The following NOMO1 variants were observed in gnomAD, a reference collection of about 807,000 sequenced individuals.
The protein encoded by NOMO1 is nodal modulator 3.
In NOMO1, 40 loss-of-function variants were observed where a neutral mutation model predicts 133.8. The observed-to-expected ratio is 0.30, with a 90% CI of 0.23 to 0.39. The LOEUF is 0.39. Ranked by LOEUF, NOMO1 falls within the 10% of genes least tolerant of loss-of-function variation. The probability of loss-of-function intolerance (pLI) is 1.00; values close to 1 mark genes in which losing one functional copy is unlikely to be tolerated. For synonymous variants in NOMO1, 236 were observed against 570.5 expected (o/e 0.41, Z 8.36); for missense variants, 462 against 1,419.9 (o/e 0.33, Z 10.84).
At chr16:14,851,250 A>G (rs1486647354) in intron 6 of NOMO1, among the ~76,000 whole-genome samples, 1 of 151,882 alleles carries the variant, frequency 6.6e-6, no homozygotes, top group Non-Finnish European at 1.5e-5. Flanking sequence ...AGTCAGGATA[A>G]TGTTTATCCT....
chr16:14,885,157 G>A (rs1161834418), intron 27 of NOMO1, among the ~76,000 whole-genome samples: 4 of 152,186 alleles, frequency 2.6e-5, no homozygotes, highest in South Asian at 2.1e-4. Context: ...CCAAAGATCC[G>A]ATCATCTCCC....
chr16:14,887,515 T>C (rs1033735907), intron 28 of NOMO1, among the ~76,000 whole-genome samples: 1 of 151,656 alleles, frequency 6.6e-6, no homozygotes, highest in Non-Finnish European at 1.5e-5. Flanking sequence ...TTAGCCAGGA[T>C]GGTCTTGATC....
intron 1 of NOMO1, among the ~76,000 whole-genome samples, chr16:14,835,902 C>A (rs941543426): frequency 1.3e-5 from 2 of 151,904 alleles, no homozygotes; most frequent in African/African-American, 4.8e-5. Flanking sequence ...CATACTGAAG[C>A]CTTGTCCCCA....
rs764945230 is a variant in NOMO1 at position 14,868,632 on chromosome 16, C to A, written c.1891C>A (p.Pro631Thr). 10 of 1,580,310 alleles carry A rather than the reference C, an allele frequency of 6.3e-6. No homozygotes were observed. The East Asian group carries it at 2.2e-4, about 35-fold the overall frequency. ...AGTCAACCGATTCTGCCTGTCCAAG[C>A]CTGGTAAGTTTGGAAGGATTGATGT... Reference protein sequence around the residue: ...KGVNRFCLSKPGVYKVTPRSC... With the variant: ...KGVNRFCLSKTGVYKVTPRSC... The change falls in exon 16 of 31, where the codon CCT becomes ACT. Residue 631 changes from proline (P) to threonine (T), a missense_variant. Transcript: ENST00000287667.
chr16:14,836,204 G>T (rs1191983338), intron 1 of NOMO1, among the ~76,000 whole-genome samples: 1 of 152,026 alleles, frequency 6.6e-6, no homozygotes, highest in Non-Finnish European at 1.5e-5. Flanking sequence ...TGAATTTCCA[G>T]TCCCTGCCTT....
chr16:14,889,672 T>G lies in NOMO1; in HGVS notation c.3444+457T>G, dbSNP rs1244035731. 2.6e-5 allele frequency among the ~76,000 whole-genome samples: 4 copies of G among 151,724 alleles called. 1 individual carries two copies. Among genetic ancestry groups the G allele is most frequent in the African/African-American group, 9.7e-5 (4 of 41,174 alleles). ...CTCCTGGCATTGGGTCACTTTCTCA[T>G]TCTGCCTTCTGGATTCTGGGCTTCC... On this transcript the variant is annotated intron_variant, in intron 29 of 30. Coordinates refer to ENST00000287667, the MANE Select transcript of NOMO1 (RefSeq NM_014287.4).
At chr16:14,866,524 A>T (rs2151002586) in intron 14 of NOMO1, 31 bp from the exon 15 acceptor site, 1 of 1,610,214 alleles carries the variant, frequency 6.2e-7, no homozygotes, top group South Asian at 1.1e-5. Flanking sequence ...CTCCACGCCC[A>T]TGTATCCGTT....
chr16:14,840,586 C>CAA (rs1235855043), intron 2 of NOMO1, among the ~76,000 whole-genome samples: 1 of 127,052 alleles, frequency 7.9e-6, no homozygotes, highest in Non-Finnish European at 1.7e-5. Context: ...GGCTCCATCT[C>CAA]AAAAAAAAAA....
At chr16:14,878,131 C>T (rs1964186975) in intron 22 of NOMO1, among the ~76,000 whole-genome samples, 1 of 150,966 alleles carries the variant, frequency 6.6e-6, no homozygotes, top group African/African-American at 2.4e-5. Context: ...TCACCTCCTC[C>T]ACCCACTCAA....
At position 14,857,632 on chromosome 16, in the gene NOMO1, G is replaced by A; in HGVS notation, c.1197G>A (p.Gln399=). The change falls in exon 11 of 31, where the codon CAG becomes CAA. Residue 399 remains glutamine, a synonymous_variant. Transcript: ENST00000287667. ...TCAAAATTGCACCGAACACACCTCA[G>A]CTGGCTGACATTATTGCAACAGGGT... ...VTIKIAPNTP[Q]LADIIATGFS... 17 of 1,613,664 alleles carry A rather than the reference G, an allele frequency of 1.1e-5. No homozygotes were observed. Among genetic ancestry groups the A allele is most frequent in the Non-Finnish European group, 1.4e-5 (17 of 1,179,840 alleles).
Position 14,886,755 on chromosome 16 carries a change from C to T in NOMO1, c.3223-6C>T, listed in dbSNP as rs371798991. The T allele has an allele frequency of 3.1e-5, 50 of 1,611,162 alleles. No individual in the cohort carries two copies. The Middle Eastern group carries it at 6.8e-4, about 22-fold the overall frequency. On this transcript the variant is annotated splice_region_variant and splice_polypyrimidine_tract_variant and intron_variant, in intron 27 of 30. Coordinates refer to ENST00000287667, the MANE Select transcript of NOMO1 (RefSeq NM_014287.4). ...AAAGCATGTCTGACTTTGTTTCTCC[C>T]TCCAGGTCAAGCTTTACAAAAGCGA...
chr16:14,872,020 T>C (rs1423440993), intron 17 of NOMO1, among the ~76,000 whole-genome samples: 2 of 152,030 alleles, frequency 1.3e-5, no homozygotes, highest in Non-Finnish European at 2.9e-5. Context: ...CAGAAGTGTG[T>C]GGGTTTCACT....
chr16:14,874,887 C>T (rs902166985), intron 18 of NOMO1, 149 bp from the exon 19 acceptor site: 1 of 661,652 alleles, frequency 1.5e-6, no homozygotes, highest in East Asian at 2.7e-5. Flanking sequence ...TGTGAAACTA[C>T]TAGTTTATTT....
At chr16:14,839,882 C>T (rs1232298536) in intron 2 of NOMO1, among the ~76,000 whole-genome samples, 3 of 149,970 alleles carry the variant, frequency 2.0e-5, no homozygotes, top group Admixed American at 1.3e-4. Flanking sequence ...GCTGGGATTA[C>T]AGGCACCCAC....
chr16:14,849,896 CTT>C lies in NOMO1; in HGVS notation c.582+945_582+946del, dbSNP rs1171906105. ...ACCAGTGCACTCGGCCAGATACAGT[CTT>C]TTTTTTTTTTTTTTTTTTTGCAACA... On this transcript the variant is annotated intron_variant, in intron 6 of 30. Coordinates refer to ENST00000287667, the MANE Select transcript of NOMO1 (RefSeq NM_014287.4). Among the ~76,000 whole-genome samples, 523 of 87,904 alleles carry C rather than the reference CTT, an allele frequency of 5.9e-3. 1 individual carries two copies. The highest frequency in any genetic ancestry group is 0.023 in the African/African-American group (490 of 21,424). 57.7% of individuals were successfully genotyped at this position (87,904 alleles called of 152,430 possible).
intron 9 of NOMO1, among the ~76,000 whole-genome samples, chr16:14,856,846 G>A (rs972083846): frequency 3.2e-4 from 48 of 152,002 alleles, no homozygotes; most frequent in African/African-American, 8.9e-4. Flanking sequence ...AAGTGATGCC[G>A]GGGTGTGCAT....
chr16:14,845,588 G>C (rs980181165), intron 4 of NOMO1, among the ~76,000 whole-genome samples: 1 of 151,970 alleles, frequency 6.6e-6, no homozygotes, highest in Non-Finnish European at 1.5e-5. Context: ...CCGCGATTCA[G>C]ATTCTCAGGG....
chr16:14,866,450 C>G, intron 14 of NOMO1, 105 bp from the exon 15 acceptor site: 1 of 1,604,420 alleles, frequency 6.2e-7, no homozygotes, highest in Non-Finnish European at 8.5e-7. Flanking sequence ...TACATACACA[C>G]CTGCTTTTTA....
Position 14,892,117 on chromosome 16 carries a change from C to T in NOMO1, c.3445-2881C>T, listed in dbSNP as rs545816553. Among the ~76,000 whole-genome samples the T allele has an allele frequency of 2.0e-4, 30 of 151,596 alleles. No homozygotes were observed. In the Middle Eastern group the frequency reaches 0.01, roughly 52 times the overall value. On this transcript the variant is annotated intron_variant, in intron 29 of 30. Coordinates refer to ENST00000287667, the MANE Select transcript of NOMO1 (RefSeq NM_014287.4). Reference sequence around the variant, plus strand: ...CAAACATTAGCCAGGCGTGGTAGCACGCACCTGTAATCCCAGCTACTCGAG... The same window carrying T: ...CAAACATTAGCCAGGCGTGGTAGCATGCACCTGTAATCCCAGCTACTCGAG...
Sources: gnomAD v4.1 joint callset for allele counts (sites outside exome capture counted in the v4.1 genomes callset) on GRCh38, gnomAD v4.1.1 for gene constraint, MANE v1.5 for transcripts, NCBI Gene and HGNC (gene_info 2026-07-23, HGNC 2026-07-21) for gene names.